The following TMEM266 variants were observed in gnomAD, a reference collection of about 807,000 sequenced individuals.
TMEM266 encodes transmembrane protein 266, also known as Hv1 related protein 1.
A neutral mutation model predicts 50.5 loss-of-function variants in TMEM266; 33 were observed. That is an observed-to-expected ratio of 0.65 (90% CI 0.50 to 0.87). The LOEUF is 0.87. Ranked by LOEUF, TMEM266 falls within the 40% of genes least tolerant of loss-of-function variation. The probability of loss-of-function intolerance (pLI) is 0.00; values close to 1 mark genes in which losing one functional copy is unlikely to be tolerated. For missense variants in TMEM266, 655 were observed against 695.1 expected (o/e 0.94, Z 0.65); for synonymous variants, 310 against 292.3 (o/e 1.06, Z -0.62).
At position 76,071,063 on chromosome 15, in the gene TMEM266, C is replaced by T. The variant is rs528892258; in HGVS notation, c.-97+11047C>T. 2.3e-3 allele frequency among the ~76,000 whole-genome samples: 346 copies of T among 152,238 alleles called. 4 individuals carry two copies. The highest frequency in any genetic ancestry group is 5.6e-4 in the Non-Finnish European group (38 of 68,026). ...AGAGTCTTTTCCTTAGGCTCCTTGA[C>T]GTTCTATATGATAAAGGGGGTTGTC... On this transcript the variant is annotated intron_variant, in intron 1 of 10. Coordinates refer to ENST00000388942, the MANE Select transcript of TMEM266 (RefSeq NM_152335.3).
Position 76,169,000 on chromosome 15 carries a change from C to T in TMEM266, c.457-816C>T, listed in dbSNP as rs995220401. 1.1e-4 allele frequency among the ~76,000 whole-genome samples: 17 copies of T among 152,312 alleles called. No homozygotes were observed. The highest frequency in any genetic ancestry group is 8.5e-4 in the Admixed American group (13 of 15,306). On this transcript the variant is annotated intron_variant, in intron 5 of 10. Coordinates refer to ENST00000388942, the MANE Select transcript of TMEM266 (RefSeq NM_152335.3). The surrounding 1 kb of genome is among the most constrained non-coding windows in gnomAD (Gnocchi z 4.4). ...CAAGGCAAGGTCCATTTCTCTCTCACGGAAAAACACATTAAGTGGATAGGT... is the reference window on the plus strand; with the variant it reads ...CAAGGCAAGGTCCATTTCTCTCTCATGGAAAAACACATTAAGTGGATAGGT...
intron 8 of TMEM266, among the ~76,000 whole-genome samples, chr15:76,182,281 C>T (rs762810075): frequency 3.9e-5 from 6 of 151,988 alleles, no homozygotes; most frequent in Non-Finnish European, 5.9e-5. Context: ...AGGCCTACAT[C>T]GTGTGGATGC....
In TMEM266 at chr15:76,160,463, G is replaced by A. The variant is rs2038000323; in HGVS notation, c.456+295G>A. Among the ~76,000 whole-genome samples the A allele has an allele frequency of 6.6e-6, 1 of 152,210 alleles. No homozygotes were observed. Among genetic ancestry groups the A allele is most frequent in the Admixed American group, 6.5e-5 (1 of 15,288 alleles). ...ATGACTGGTGAAGGTGAGACTGAATGTGGCGTCGAGGGGCAGCCAGTGTTG... is the reference window on the plus strand; with the variant it reads ...ATGACTGGTGAAGGTGAGACTGAATATGGCGTCGAGGGGCAGCCAGTGTTG... On this transcript the variant is annotated intron_variant, in intron 5 of 10. Transcript: ENST00000388942. The surrounding 1 kb of genome is among the most constrained non-coding windows in gnomAD (Gnocchi z 5.7).
chr15:76,117,257 T>TTTC (rs2037265934), intron 1 of TMEM266, among the ~76,000 whole-genome samples: 2 of 151,940 alleles, frequency 1.3e-5, no homozygotes, highest in Admixed American at 1.3e-4. Flanking sequence ...ATTTTTTTTT[T>TTTC]CATTGACAAG....
At chr15:76,169,795 T>C in intron 5 of TMEM266, 21 bp from the exon 6 acceptor site, 1 of 1,612,046 alleles carries the variant, frequency 6.2e-7, no homozygotes, top group South Asian at 1.1e-5. Context: ...GAATAACCAC[T>C]TTCTCACTTC....
chr15:76,118,829 CA>C (rs945586521), intron 1 of TMEM266, among the ~76,000 whole-genome samples: 1 of 152,208 alleles, frequency 6.6e-6, no homozygotes, highest in Non-Finnish European at 1.5e-5. Context: ...CACGTAGTAG[CA>C]TCATGCAGGG....
intron 2 of TMEM266, among the ~76,000 whole-genome samples, chr15:76,136,875 C>T (rs762274060): frequency 6.6e-6 from 1 of 152,144 alleles, no homozygotes; most frequent in African/African-American, 2.4e-5. Flanking sequence ...AATGACCAAC[C>T]GTGGTCATGG....
chr15:76,163,709 G>A (rs995813696), intron 5 of TMEM266, among the ~76,000 whole-genome samples: 2 of 152,012 alleles, frequency 1.3e-5, no homozygotes, highest in African/African-American at 4.8e-5. Context: ...CTGCAGCAGG[G>A]CCCAGTGCAG....
intron 1 of TMEM266, among the ~76,000 whole-genome samples, chr15:76,108,810 T>C (rs2037125165): frequency 6.6e-6 from 1 of 152,208 alleles, no homozygotes; most frequent in South Asian, 2.1e-4. Context: ...TACATTCTTG[T>C]CACCCCTTTG....
rs72734592 is a variant in TMEM266, at chr15:76,064,280, C to G, written c.-97+4264C>G. 6.0e-3 allele frequency among the ~76,000 whole-genome samples: 919 copies of G among 152,302 alleles called. 14 individuals are homozygous for G. The highest frequency in any genetic ancestry group is 0.021 in the African/African-American group (876 of 41,558). On this transcript the variant is annotated intron_variant, in intron 1 of 10. Coordinates refer to ENST00000388942, the MANE Select transcript of TMEM266 (RefSeq NM_152335.3). ...CATTAAATACCTGTTGGTGTCATCC[C>G]TGTTTGAGCCAGGGTCTGAGAGTTC...
intron 1 of TMEM266, among the ~76,000 whole-genome samples, chr15:76,120,621 C>T (rs1413666693): frequency 6.6e-6 from 1 of 151,622 alleles, no homozygotes; most frequent in Non-Finnish European, 1.5e-5. Flanking sequence ...ATTATCTGGG[C>T]GTGGTAGCAT....
intron 1 of TMEM266, among the ~76,000 whole-genome samples, chr15:76,064,811 T>C (rs1435671093): frequency 6.6e-6 from 1 of 152,252 alleles, no homozygotes; most frequent in Non-Finnish European, 1.5e-5. Context: ...GCAGCTGTTC[T>C]CTAGATTTCA....
intron 1 of TMEM266, among the ~76,000 whole-genome samples, chr15:76,132,077 T>C (rs2037516812): frequency 6.6e-6 from 1 of 152,098 alleles, no homozygotes; most frequent in South Asian, 2.1e-4. Context: ...ACTGTAGCAC[T>C]GGTTGATAGA....
intron 1 of TMEM266, among the ~76,000 whole-genome samples, chr15:76,103,916 A>C (rs996845616): frequency 6.6e-6 from 1 of 151,196 alleles, no homozygotes; most frequent in African/African-American, 2.4e-5. Flanking sequence ...ATCTCAAAAA[A>C]AAAAAAAAAT....
chr15:76,146,083 C>T (rs565876931), intron 3 of TMEM266, among the ~76,000 whole-genome samples: 7 of 152,266 alleles, frequency 4.6e-5, no homozygotes, highest in Admixed American at 4.6e-4. Context: ...AAGCACAGTA[C>T]ATTGAAGGTC....
intron 1 of TMEM266, among the ~76,000 whole-genome samples, chr15:76,095,998 C>A (rs1234659931): frequency 1.3e-5 from 2 of 151,816 alleles, no homozygotes; most frequent in African/African-American, 4.8e-5. Flanking sequence ...CTATTTGATT[C>A]TTTCTTTTCT....
chr15:76,108,903 T>C (rs1197655678), intron 1 of TMEM266: 1 of 152,218 alleles, frequency 6.6e-6, no homozygotes. Flanking sequence ...TGGTACTAAC[T>C]GTATTTACTA....
chr15:76,141,023 T>C (rs1253097613), intron 3 of TMEM266, among the ~76,000 whole-genome samples: 1 of 151,904 alleles, frequency 6.6e-6, no homozygotes, highest in Admixed American at 6.6e-5. Flanking sequence ...GGCAACAGAG[T>C]GAGACCCTGT....
rs566188284 is a variant in TMEM266 at position 76,107,175 on chromosome 15, T to C, written c.-96-26993T>C. 1.1e-4 allele frequency among the ~76,000 whole-genome samples: 16 copies of C among 152,366 alleles called. No homozygotes were observed. The South Asian group carries it at 3.3e-3, about 32-fold the overall frequency. ...ATTTTAATATCTTTTATTTAACCAATATGTCCAGAGTATTATTATTTCAAC... is the reference window on the plus strand; with the variant it reads ...ATTTTAATATCTTTTATTTAACCAACATGTCCAGAGTATTATTATTTCAAC... On this transcript the variant is annotated intron_variant, in intron 1 of 10. Coordinates refer to ENST00000388942, the MANE Select transcript of TMEM266 (RefSeq NM_152335.3).
Sources: allele counts gnomAD v4.1 joint callset (sites outside exome capture counted in the v4.1 genomes callset), GRCh38; gene constraint gnomAD v4.1.1; non-coding constraint Gnocchi (gnomAD v3.1); transcripts MANE v1.5; gene names NCBI Gene and HGNC (gene_info 2026-07-23, HGNC 2026-07-21).